Variants in PRKD2 observed in about 807,000 individuals in gnomAD.
PRKD2 encodes serine/threonine-protein kinase D2.
Under a neutral mutation model 86.0 loss-of-function variants are expected in PRKD2, and 22 were observed. That is an observed-to-expected ratio of 0.26 (90% confidence interval 0.18 to 0.37). PRKD2 has a LOEUF of 0.37. Ranked by LOEUF, PRKD2 falls within the 10% of genes least tolerant of loss-of-function variation. PRKD2 has a pLI of 1.00. For missense variants in PRKD2, 818 were observed against 1,199.2 expected (o/e 0.68, Z 4.70); for synonymous variants, 509 against 510.9 (o/e 1.00, Z 0.05).
rs111905333 is a variant in PRKD2, at chr19:46,676,351, G to A, written c.2339-1233C>T. Among the ~76,000 whole-genome samples the A allele has an allele frequency of 4.2e-3, 638 of 152,270 alleles. 7 individuals are homozygous for A. The highest frequency in any genetic ancestry group is 0.014 in the African/African-American group (572 of 41,546). ...GCTGAGGCAGAATCGCTTGAACTCA[G>A]GAGGCAGAGGTTGCAGTGAGCCAAG... On this transcript the variant is annotated intron_variant, in intron 16 of 17. Transcript: ENST00000291281.
chr19:46,676,916 C>T (rs1487959729), intron 16 of PRKD2, among the ~76,000 whole-genome samples: 1 of 152,014 alleles, frequency 6.6e-6, no homozygotes, highest in East Asian at 1.9e-4. Flanking sequence ...AAAACATGAG[C>T]CAGGCATGGT....
rs1437286574 is a variant in PRKD2, at chr19:46,693,077, C to T, written c.1576+798G>A. On this transcript the variant is annotated intron_variant, in intron 10 of 17. Transcript: ENST00000291281. The surrounding 1 kb of genome is among the most constrained non-coding windows in gnomAD (Gnocchi z 4.5). ...TTTTCTTTCCCACATCTCACCCTGC[C>T]TCGGCCTCCAGATCTCAGTTCAGAT... 6.6e-6 allele frequency among the ~76,000 whole-genome samples: 1 copy of T among 152,180 alleles called. No homozygotes were observed. The highest frequency in any genetic ancestry group is 1.5e-5 in the Non-Finnish European group (1 of 68,036).
rs747648668 is a variant in PRKD2 at position 46,691,916 on chromosome 19, G to C, written c.1629+17C>G. 1.9e-6 allele frequency: 3 copies of C among 1,613,302 alleles called. No homozygotes were observed. The highest frequency in any genetic ancestry group is 2.5e-6 in the Non-Finnish European group (3 of 1,179,326). Reference sequence around the variant, plus strand: ...TTTGTGGGAGGGGAGGGCATCAGGTGGGGGCAGGAGTCTCACCACATTCTC... The same window carrying C: ...TTTGTGGGAGGGGAGGGCATCAGGTCGGGGCAGGAGTCTCACCACATTCTC... On this transcript the variant is annotated intron_variant, in intron 11 of 17. Coordinates refer to ENST00000291281, the MANE Select transcript of PRKD2 (RefSeq NM_016457.5).
chr19:46,680,131 C>T (rs567205078), intron 15 of PRKD2, among the ~76,000 whole-genome samples: 1 of 152,148 alleles, frequency 6.6e-6, no homozygotes, highest in Non-Finnish European at 1.5e-5. Context: ...AGCCTGAAGC[C>T]TCTGTCACCT....
Position 46,675,326 on chromosome 19 carries a change from C to CCAG in PRKD2, c.2339-211_2339-209dup, listed in dbSNP as rs1298875719. Among the ~76,000 whole-genome samples, 3 of 152,348 alleles carry CCAG rather than the reference C, an allele frequency of 2.0e-5. No homozygotes were observed. The East Asian group carries it at 5.8e-4, about 29-fold the overall frequency. On this transcript the variant is annotated intron_variant, in intron 16 of 17. Coordinates refer to ENST00000291281, the MANE Select transcript of PRKD2 (RefSeq NM_016457.5). ...CTCCTCCTGCCCATGCATGTTCACA[C>CCAG]CAGCTCCCTCTCTTCACCTGTTCTC...
In PRKD2 at chr19:46,710,975, G is replaced by A. The variant is rs2053799138; in HGVS notation, c.443C>T (p.Ala148Val). The A allele has an allele frequency of 1.1e-5, 17 of 1,577,026 alleles. 1 individual carries two copies. The highest frequency in any genetic ancestry group is 1.3e-5 in the Non-Finnish European group (15 of 1,161,384). The change falls in exon 3 of 18, where the codon GCG (alanine) becomes GTG (valine). Residue 148 changes from alanine to valine, a missense_variant. Ala to Val is a moderately conservative substitution (Grantham distance 64). Transcript: ENST00000291281. ...CCCGCAGTGATCACAGAAGGCAGGCGCCCGATAGGAGTGCACCGTGAGGGC... is the reference window on the plus strand; with the variant it reads ...CCCGCAGTGATCACAGAAGGCAGGCACCCGATAGGAGTGCACCGTGAGGGC... ...PHALTVHSYRAPAFCDHCGEM... is the reference protein window; with the variant it reads ...PHALTVHSYRVPAFCDHCGEM...
intron 3 of PRKD2, chr19:46,710,515 C>T (rs2053789865): frequency 5.9e-6 from 1 of 169,054 alleles, no homozygotes; most frequent in Admixed American, 6.1e-5. Context: ...CCAGCCCACA[C>T]AATTCTGTAA....
intron 3 of PRKD2, among the ~76,000 whole-genome samples, chr19:46,707,226 C>T (rs1363190694): frequency 2.6e-5 from 4 of 152,278 alleles, no homozygotes; most frequent in South Asian, 4.1e-4. Flanking sequence ...GTGGCACCCA[C>T]GGAGCTAGAG....
At chr19:46,710,423 A>G in intron 3 of PRKD2, 1 of 153,192 alleles carries the variant, frequency 6.5e-6, no homozygotes, top group Non-Finnish European at 1.4e-5. Flanking sequence ...CCTGGCCTCA[A>G]GTGATCCACC....
At position 46,678,616 on chromosome 19, in the gene PRKD2, C is replaced by A. The variant is rs376566966; in HGVS notation, c.2118G>T (p.Ser706=). The A allele has an allele frequency of 5.6e-6, 9 of 1,611,400 alleles. No homozygotes were observed. The highest frequency in any genetic ancestry group is 3.3e-5 in the South Asian group (3 of 91,082). The change falls in exon 16 of 18, where the codon TCG becomes TCT. Residue 706 remains serine (S), a synonymous_variant. Transcript: ENST00000291281. The surrounding 1 kb of genome is among the most constrained non-coding windows in gnomAD (Gnocchi z 5.7). ...GCGTGCCCACCACTGAGCGGCGGAACGACTTCTCGCCGATGATGCGAGCAA... is the reference window on the plus strand; with the variant it reads ...GCGTGCCCACCACTGAGCGGCGGAAAGACTTCTCGCCGATGATGCGAGCAA... ...FGFARIIGEK[S]FRRSVVGTPA... is the part of the protein sequence containing the mutation.
At position 46,716,533 on chromosome 19, in the gene PRKD2, G is replaced by T; in HGVS notation, c.-163C>A. ...GCGGAGGGGACCTGAGGATGGCGGG[G>T]TCCTGGGAAGGAGAGAAAGGCACTA... On this transcript the variant is annotated 5_prime_UTR_variant, in exon 1 of 18. Coordinates refer to ENST00000291281, the MANE Select transcript of PRKD2 (RefSeq NM_016457.5). This position sits in a 1 kb window ranked among gnomAD's most constrained non-coding sequence, Gnocchi z 7.9. The T allele has an allele frequency of 2.0e-6, 1 of 497,430 alleles. No individual in the cohort carries two copies. The highest frequency in any genetic ancestry group is 3.5e-6 in the Non-Finnish European group (1 of 285,840). The allele number at this position is 497,430 out of a possible 1,614,324, so 30.8% of individuals were successfully genotyped here.
chr19:46,697,093 G>A (rs185986910), intron 9 of PRKD2, 64 bp downstream of exon 9: 129 of 1,262,648 alleles, frequency 1.0e-4, no homozygotes, highest in South Asian at 1.7e-4. Context: ...GGGGTAGGAG[G>A]AGGTGTGGGA....
At position 46,716,041 on chromosome 19, in the gene PRKD2, CTCTTCCGCACACCA is replaced by C; in HGVS notation, c.240+76_240+89del. 2 of 1,526,930 alleles carry C rather than the reference CTCTTCCGCACACCA, an allele frequency of 1.3e-6. No individual in the cohort carries two copies. Among genetic ancestry groups the C allele is most frequent in the South Asian group, 2.5e-5 (2 of 79,792 alleles). The allele number at this position is 1,526,930 out of a possible 1,614,324, so 94.6% of individuals were successfully genotyped here. A position where few individuals can be genotyped will look rare whatever the true frequency, so the allele number is the denominator to read the frequency against. On this transcript the variant is annotated intron_variant, in intron 1 of 17. Transcript: ENST00000291281. This position sits in a 1 kb window ranked among gnomAD's most constrained non-coding sequence, Gnocchi z 7.9. ...CCCAAAGCTCAGGTCTCCTTCCTCC[CTCTTCCGCACACCA>C]GGCCCCAGACCCCTCTGCCAGCGCC...
Position 46,708,971 on chromosome 19 carries a change from G to GTTTTTT in PRKD2, c.511+1935_511+1936insAAAAAA, listed in dbSNP as rs796086305. Among the ~76,000 whole-genome samples the GTTTTTT allele has an allele frequency of 5.7e-4, 46 of 80,314 alleles. 2 individuals are homozygous for GTTTTTT. Among genetic ancestry groups the GTTTTTT allele is most frequent in the South Asian group, 9.0e-4 (2 of 2,228 alleles). 52.7% of individuals were successfully genotyped at this position (80,314 alleles called of 152,430 possible). A position where few individuals can be genotyped will look rare whatever the true frequency, so the allele number is the denominator to read the frequency against. ...TTGCCATGAAGGTTGGTTTGTTTGT[G>GTTTTTT]GTTTTTTTTTTTTTTTTTTTTTTTG... is the stretch of plus-strand genomic sequence containing the variant. On this transcript the variant is annotated intron_variant, in intron 3 of 17. Coordinates refer to ENST00000291281, the MANE Select transcript of PRKD2 (RefSeq NM_016457.5).
At position 46,714,308 on chromosome 19, in the gene PRKD2, G is replaced by A. The variant is rs2053852201; in HGVS notation, c.241-307C>T. 4 of 1,160,962 alleles carry A rather than the reference G, an allele frequency of 3.4e-6. 1 individual carries two copies. Among genetic ancestry groups the A allele is most frequent in the South Asian group, 4.8e-5 (2 of 42,028 alleles). The allele number at this position is 1,160,962 out of a possible 1,614,324, so 71.9% of individuals were successfully genotyped here. A position where few individuals can be genotyped will look rare whatever the true frequency, so the allele number is the denominator to read the frequency against. The stretch of plus-strand genomic sequence containing the variant: ...TTTCCGGAACCTGGCGGAGGTGGGA[G>A]GGGATGCTGAATGAACACTCCCTCC... On this transcript the variant is annotated intron_variant, in intron 1 of 17. Coordinates refer to ENST00000291281, the MANE Select transcript of PRKD2 (RefSeq NM_016457.5).
At chr19:46,699,469 C>G (rs189424665) in intron 7 of PRKD2, among the ~76,000 whole-genome samples, 1 of 152,212 alleles carries the variant, frequency 6.6e-6, no homozygotes, top group African/African-American at 2.4e-5. Flanking sequence ...TCCAGTGCAC[C>G]TGTGAGGGTG....
Position 46,704,182 on chromosome 19 carries a change from G to T in PRKD2, c.876C>A (p.Gly292=). 6.2e-7 allele frequency: 1 copy of T among 1,614,024 alleles called. No individual in the cohort carries two copies. The highest frequency in any genetic ancestry group is 8.5e-7 in the Non-Finnish European group (1 of 1,179,964). Residue 292 remains glycine, a synonymous_variant, in exon 5 of 18, where the codon GGC becomes GGA. Coordinates refer to ENST00000291281, the MANE Select transcript of PRKD2 (RefSeq NM_016457.5). The part of the protein sequence containing the change: ...KKLLKGLFRQ[G]LQCKDCKFNC... Reference sequence around the variant, plus strand: ...GGCCCAGCTAACCTTTGCATTGCAGGCCCTGCCGGAAGAGGCCCTTGAGGA... The same window carrying T: ...GGCCCAGCTAACCTTTGCATTGCAGTCCCTGCCGGAAGAGGCCCTTGAGGA...
intron 15 of PRKD2, among the ~76,000 whole-genome samples, chr19:46,680,940 ATATATATTTTTTT>A (rs896366203): frequency 1.2e-4 from 6 of 51,078 alleles, no homozygotes; most frequent in African/African-American, 3.7e-4. Flanking sequence ...ATATATATAT[ATATATATTTTTTT>A]TTTTTTTTTT....
At position 46,691,779 on chromosome 19, in the gene PRKD2, G is replaced by A. The variant is rs2053487220; in HGVS notation, c.1658C>T (p.Pro553Leu). ...VDIATVYQIF[P>L]DEVLGSGQFG... ...CTGCCCTGAGCCCAGCACTTCGTCA[G>A]GGAAGATCTGGTAGACAGTGGCAAT... Residue 553 changes from proline to leucine, a missense_variant, in exon 12 of 18, where the codon CCT becomes CTT. Around this residue, in one of 5 missense-constraint regions of PRKD2, gnomAD observed 154 missense variants for 359.6 expected, o/e 0.43. Transcript: ENST00000291281. 1.9e-6 allele frequency: 3 copies of A among 1,613,702 alleles called. No homozygotes were observed. Among genetic ancestry groups the A allele is most frequent in the East Asian group, 2.2e-5 (1 of 44,888 alleles).
Sources: allele counts gnomAD v4.1 joint callset (sites outside exome capture counted in the v4.1 genomes callset), GRCh38; gene constraint gnomAD v4.1.1; regional missense constraint gnomAD v4.1.1; non-coding constraint Gnocchi (gnomAD v3.1); transcripts MANE v1.5; gene names NCBI Gene and HGNC (gene_info 2026-07-23, HGNC 2026-07-21).